Variants in NAV1 observed in about 807,000 individuals in gnomAD.
The protein encoded by NAV1 is neuron navigator 1, also known as pore membrane and/or filament interacting like protein 3.
Under a neutral mutation model 175.2 loss-of-function variants are expected in NAV1, and 18 were observed. The ratio of observed to expected loss-of-function variants is 0.10; its 90% CI spans 0.07 to 0.15. The LOEUF (loss-of-function observed/expected upper bound fraction) is 0.15. Among genes scored for constraint, NAV1 ranks in the 10% least tolerant of loss-of-function variants. NAV1 has a pLI of 1.00. For missense variants in NAV1, 1,731 were observed against 2,436.6 expected (o/e 0.71, Z 6.10); for synonymous variants, 897 against 978.7 (o/e 0.92, Z 1.56).
chr1:201,708,419 C>T (rs1343072173), intron 1 of NAV1, among the ~76,000 whole-genome samples: 1 of 150,796 alleles, frequency 6.6e-6, no homozygotes, highest in Non-Finnish European at 1.5e-5. Flanking sequence ...GCCCCCTTCC[C>T]CCCTCAAACC....
At chr1:201,804,039 C>G in intron 16 of NAV1, 1 of 508,012 alleles carries the variant, frequency 2.0e-6, no homozygotes. Context: ...TCTGTCCCCA[C>G]CACCCCCCAT....
In NAV1 at chr1:201,804,477, A is replaced by AT. The variant is rs1558184831; in HGVS notation, c.3640-5dup. 17 of 1,534,722 alleles carry AT rather than the reference A, an allele frequency of 1.1e-5. No individual in the cohort carries two copies. The highest frequency in any genetic ancestry group is 9.6e-5 in the South Asian group (8 of 82,988). ...TTCAAAATGCTGACTCCAAATCCCT[A>AT]TTTTTTTCCAGGTCTATGAGGTAAG... On this transcript the variant is annotated splice_polypyrimidine_tract_variant and intron_variant, in intron 16 of 29. Coordinates refer to ENST00000367296, the Ensembl canonical transcript of NAV1.
At chr1:201,801,028 T>C (rs1365228830) in intron 15 of NAV1, among the ~76,000 whole-genome samples, 1 of 152,110 alleles carries the variant, frequency 6.6e-6, no homozygotes, top group Non-Finnish European at 1.5e-5. Flanking sequence ...GGGGTTTCAC[T>C]ATGTTGCCCA....
chr1:201,700,914 G>A (rs1476614681), intron 1 of NAV1, among the ~76,000 whole-genome samples: 1 of 144,386 alleles, frequency 6.9e-6, no homozygotes, highest in African/African-American at 2.5e-5. Context: ...GGGAGGCTGA[G>A]GCAGGAGAAT....
intron 2 of NAV1, among the ~76,000 whole-genome samples, chr1:201,604,208 C>T (rs967309848): frequency 1.3e-5 from 2 of 152,186 alleles, no homozygotes; most frequent in Non-Finnish European, 2.9e-5. Flanking sequence ...GCATGTGGCA[C>T]CACGCCTAGC....
intron 3 of NAV1, chr1:201,739,709 G>A (rs1240473982): frequency 1.9e-6 from 2 of 1,032,456 alleles, no homozygotes; most frequent in Non-Finnish European, 2.4e-6. Flanking sequence ...CCACCGGAAC[G>A]GAGGAGGCTT....
Position 201,803,592 on chromosome 1 carries a change from G to A in NAV1, c.3518-1G>A. ...TTTTTCCCACTTGTACTTGGCCCTA[G>A]AACTTCGGATCAAGAGACAAAACTC... On this transcript the variant is annotated splice_acceptor_variant, in intron 15 of 29. Transcript: ENST00000367296. LOFTEE classifies it high-confidence loss of function. 6.2e-7 allele frequency: 1 copy of A among 1,613,042 alleles called. No homozygotes were observed. Among genetic ancestry groups the A allele is most frequent in the Non-Finnish European group, 8.5e-7 (1 of 1,179,470 alleles).
At chr1:201,576,257 T>C (rs925862594) in intron 1 of NAV1, among the ~76,000 whole-genome samples, 2 of 152,270 alleles carry the variant, frequency 1.3e-5, no homozygotes, top group African/African-American at 4.8e-5. Flanking sequence ...AATGGAATCA[T>C]AGAGCATATT....
At chr1:201,794,895 T>C in intron 15 of NAV1, 1 of 281,794 alleles carries the variant, frequency 3.5e-6, no homozygotes, top group Non-Finnish European at 6.8e-6. Context: ...GCAAATGTGT[T>C]GTGTGTCCAC....
upstream of NAV1, among the ~76,000 whole-genome samples, chr1:201,621,080 C>T (rs992998084): frequency 1.3e-5 from 2 of 151,700 alleles, no homozygotes; most frequent in African/African-American, 4.8e-5. Flanking sequence ...CTACCATGCC[C>T]GGCTAATTTT....
intron 2 of NAV1, among the ~76,000 whole-genome samples, chr1:201,613,268 C>G (rs1406405915): frequency 6.6e-6 from 1 of 152,156 alleles, no homozygotes; most frequent in Non-Finnish European, 1.5e-5. Flanking sequence ...GAAACTTGGC[C>G]TGCTGTGTAA....
At chr1:201,696,075 G>A (rs1452889911) in intron 1 of NAV1, among the ~76,000 whole-genome samples, 3 of 152,178 alleles carry the variant, frequency 2.0e-5, no homozygotes, top group Non-Finnish European at 2.9e-5. Context: ...ATCCAGCCTT[G>A]CACTTCCCTT....
At chr1:201,549,083 C>CTT (rs1557992082) in intron 1 of NAV1, among the ~76,000 whole-genome samples, 2 of 63,494 alleles carry the variant, frequency 3.1e-5, no homozygotes, top group African/African-American at 8.6e-5. Flanking sequence ...TTTTCTCTTT[C>CTT]TTTCTTTCTT....
At chr1:201,818,257 G>T in intron 29 of NAV1, among the ~76,000 whole-genome samples, 1 of 151,564 alleles carries the variant, frequency 6.6e-6, no homozygotes, top group Non-Finnish European at 1.5e-5. Flanking sequence ...GGCCAGGCGT[G>T]GTGGCTCACA....
chr1:201,550,268 C>T (rs1280797090), intron 1 of NAV1, among the ~76,000 whole-genome samples: 1 of 152,036 alleles, frequency 6.6e-6, no homozygotes, highest in Non-Finnish European at 1.5e-5. Flanking sequence ...ACTTCCAGGG[C>T]TCAAGTGATC....
intron 2 of NAV1, among the ~76,000 whole-genome samples, chr1:201,715,317 C>A (rs1470696675): frequency 1.1e-4 from 17 of 151,922 alleles, no homozygotes; most frequent in Non-Finnish European, 5.9e-5. Flanking sequence ...CGTGCCACCA[C>A]ACCGGCTAAT....
chr1:201,733,563 T>A (rs1455149871), intron 3 of NAV1: 1 of 151,948 alleles, frequency 6.6e-6, no homozygotes, highest in East Asian at 1.9e-4. Context: ...AGCCAACAGA[T>A]AAACATGCAA....
At chr1:201,655,907 G>A (rs1669387586) in intron 1 of NAV1, among the ~76,000 whole-genome samples, 1 of 152,174 alleles carries the variant, frequency 6.6e-6, no homozygotes, top group East Asian at 1.9e-4. Context: ...GCATAGGTGG[G>A]AAGCTCCCAT....
intron 2 of NAV1, among the ~76,000 whole-genome samples, chr1:201,612,190 C>A (rs1339961207): frequency 6.6e-6 from 1 of 152,124 alleles, no homozygotes; most frequent in Non-Finnish European, 1.5e-5. Context: ...GTGGCTCATG[C>A]CTATAATGCC....
Sources: gnomAD v4.1 joint callset for allele counts (sites outside exome capture counted in the v4.1 genomes callset) on GRCh38, gnomAD v4.1.1 for gene constraint, MANE v1.5 for transcripts, NCBI Gene and HGNC (gene_info 2026-07-23, HGNC 2026-07-21) for gene names.